NXN: variants seen among roughly 807,000 people sequenced by gnomAD.
The protein encoded by NXN is nucleoredoxin.
A neutral mutation model predicts 48.6 loss-of-function variants in NXN; 16 were observed. That is an observed-to-expected ratio of 0.33 (90% CI 0.22 to 0.50). NXN has a LOEUF of 0.50. NXN is among the 20% of genes least tolerant of loss of function. The pLI is 0.98. For missense variants in NXN, 492 were observed against 605.5 expected, an observed-to-expected ratio of 0.81 and a Z score of 1.97; for synonymous variants, 281 against 269.6, an observed-to-expected ratio of 1.04 and a Z score of -0.41.
chr17:821,958 T>A (rs1249772015), intron 4 of NXN, among the ~76,000 whole-genome samples: 2 of 150,952 alleles, frequency 1.3e-5, no homozygotes, highest in Non-Finnish European at 2.9e-5. Context: ...CAAGAAGAGG[T>A]TTTCCTCAGC....
intron 2 of NXN, among the ~76,000 whole-genome samples, chr17:824,513 C>A (rs976745011): frequency 6.6e-6 from 1 of 152,182 alleles, no homozygotes; most frequent in African/African-American, 2.4e-5. Context: ...ACCCGATACC[C>A]GGGATTGTGG....
At chr17:862,885 T>C (rs1388791971) in intron 1 of NXN, among the ~76,000 whole-genome samples, 2 of 152,224 alleles carry the variant, frequency 1.3e-5, no homozygotes, top group Non-Finnish European at 2.9e-5. Flanking sequence ...AACAGACCTA[T>C]GCTCTAAACG....
At chr17:823,912 A>C in intron 2 of NXN, 147 bp from the exon 3 acceptor site, 1 of 702,196 alleles carries the variant, frequency 1.4e-6, no homozygotes. Context: ...TAATCATCAA[A>C]CAGTACTTGT....
At chr17:833,511 G>A (rs999244073) in intron 1 of NXN, among the ~76,000 whole-genome samples, 7 of 152,076 alleles carry the variant, frequency 4.6e-5, no homozygotes, top group Non-Finnish European at 7.4e-5. Flanking sequence ...GGGGCCCCTC[G>A]AGTCCACCAA....
At chr17:881,890 C>T (rs901153268) in intron 1 of NXN, among the ~76,000 whole-genome samples, 4 of 152,136 alleles carry the variant, frequency 2.6e-5, no homozygotes, top group Admixed American at 6.5e-5. Context: ...ATTTCCATGA[C>T]GGTCTACAGG....
At chr17:967,055 C>T (rs1262275741) in intron 1 of NXN, among the ~76,000 whole-genome samples, 2 of 152,072 alleles carry the variant, frequency 1.3e-5, no homozygotes, top group South Asian at 2.1e-4. Flanking sequence ...AGACGGTGAC[C>T]GTAGGGGCCA....
intron 1 of NXN, among the ~76,000 whole-genome samples, chr17:942,513 C>T (rs2068988674): frequency 2.0e-5 from 1 of 49,800 alleles, no homozygotes; most frequent in African/African-American, 7.3e-5. Context: ...AACAAGATTC[C>T]AGGGCGCAGC....
chr17:896,682 AC>A lies in NXN; in HGVS notation c.361-70605del, dbSNP rs1409472668. Among the ~76,000 whole-genome samples the A allele has an allele frequency of 3.9e-5, 6 of 152,180 alleles. No homozygotes were observed. In the East Asian group the frequency reaches 9.6e-4, roughly 24 times the overall value. On this transcript the variant is annotated intron_variant, in intron 1 of 7. Coordinates refer to ENST00000336868, the MANE Select transcript of NXN (RefSeq NM_022463.5). Reference sequence around the variant, plus strand: ...AGTTCTCCCACTTCTCATCTTAGTCACCCCGGCCCAAGGAAGTTTTTGTGGA... The same window carrying A: ...AGTTCTCCCACTTCTCATCTTAGTCACCCGGCCCAAGGAAGTTTTTGTGGA...
chr17:961,367 AGAGT>A lies in NXN; in HGVS notation c.360+17948_360+17951del, dbSNP rs1334478124. 2.0e-5 allele frequency among the ~76,000 whole-genome samples: 3 copies of A among 151,726 alleles called. No individual in the cohort carries two copies. The East Asian group carries it at 5.8e-4, about 29-fold the overall frequency. ...GCCATTGCACTCCAGCCTGGGCGAC[AGAGT>A]GAGACTCCGTCTCAAGAAAAAAAAA... On this transcript the variant is annotated intron_variant, in intron 1 of 7. Coordinates refer to ENST00000336868, the MANE Select transcript of NXN (RefSeq NM_022463.5).
At chr17:809,685 C>G (rs1458695825) in intron 5 of NXN, among the ~76,000 whole-genome samples, 2 of 152,224 alleles carry the variant, frequency 1.3e-5, no homozygotes, top group African/African-American at 2.4e-5. Flanking sequence ...TGAGGACGCA[C>G]CAGCAGGCAA....
chr17:801,444 T>C (rs895349057), intron 7 of NXN, among the ~76,000 whole-genome samples: 2 of 46,076 alleles, frequency 4.3e-5, no homozygotes, highest in African/African-American at 1.3e-4. Context: ...TGTCACATTC[T>C]TTTTTTTTTT....
At chr17:885,672 CTTTT>C (rs532225883) in intron 1 of NXN, among the ~76,000 whole-genome samples, 3 of 83,742 alleles carry the variant, frequency 3.6e-5, no homozygotes, top group African/African-American at 1.3e-4. Context: ...GCGGTACTCG[CTTTT>C]TTTTTTTTTT....
rs538464959 is a variant in NXN at position 927,039 on chromosome 17, T to C, written c.360+52280A>G. Among the ~76,000 whole-genome samples the C allele has an allele frequency of 7.9e-5, 12 of 151,778 alleles. No homozygotes were observed. The South Asian group carries it at 2.5e-3, about 32-fold the overall frequency. ...TAAGAGAAGCAAAAGTAAGGCCAGGTGCGGTGGCTCACGCCTGTCATCCTA... is the reference window on the plus strand; with the variant it reads ...TAAGAGAAGCAAAAGTAAGGCCAGGCGCGGTGGCTCACGCCTGTCATCCTA... On this transcript the variant is annotated intron_variant, in intron 1 of 7. Coordinates refer to ENST00000336868, the MANE Select transcript of NXN (RefSeq NM_022463.5).
rs1402161760 is a variant in NXN at position 932,956 on chromosome 17, C to T, written c.360+46363G>A. Among the ~76,000 whole-genome samples, 1 of 152,206 alleles carries T rather than the reference C, an allele frequency of 6.6e-6. No homozygotes were observed. Among genetic ancestry groups the T allele is most frequent in the Non-Finnish European group, 1.5e-5 (1 of 68,042 alleles). On this transcript the variant is annotated intron_variant, in intron 1 of 7. Coordinates refer to ENST00000336868, the MANE Select transcript of NXN (RefSeq NM_022463.5). This position sits in a 1 kb window ranked among gnomAD's most constrained non-coding sequence, Gnocchi z 4.1. ...AGCCACCGCGCCCAGCCCAGCCCGTCCTCTTGAACCTGCTCAGTTTCAGTC... is the reference window on the plus strand; with the variant it reads ...AGCCACCGCGCCCAGCCCAGCCCGTTCTCTTGAACCTGCTCAGTTTCAGTC...
At position 979,740 on chromosome 17, in the gene NXN, G is replaced by A. The variant is rs1172494678; in HGVS notation, c.-62C>T. ...CCGCTCCACGGTCCGCGCGGCGGGA[G>A]GAGGCGGCGGCGTCGGCGGCAGGCG... is the stretch of plus-strand genomic sequence containing the variant. On this transcript the variant is annotated 5_prime_UTR_variant, in exon 1 of 8. Coordinates refer to ENST00000336868, the MANE Select transcript of NXN (RefSeq NM_022463.5). The A allele has an allele frequency of 4.0e-6, 5 of 1,245,430 alleles. No individual in the cohort carries two copies. Among genetic ancestry groups the A allele is most frequent in the Admixed American group, 4.4e-5 (1 of 22,556 alleles). The allele number at this position is 1,245,430 out of a possible 1,614,324, so 77.1% of individuals were successfully genotyped here. A position where few individuals can be genotyped will look rare whatever the true frequency, so the allele number is the denominator to read the frequency against.
chr17:919,774 G>A lies in NXN; in HGVS notation c.360+59545C>T, dbSNP rs570137596. ...AATACAACTAGGGGCAGAGCGGTCCGGCACAAAACACCAGGAAACGCTCTC... is the reference window on the plus strand; with the variant it reads ...AATACAACTAGGGGCAGAGCGGTCCAGCACAAAACACCAGGAAACGCTCTC... On this transcript the variant is annotated intron_variant, in intron 1 of 7. Coordinates refer to ENST00000336868, the MANE Select transcript of NXN (RefSeq NM_022463.5). The surrounding 1 kb of genome is among the most constrained non-coding windows in gnomAD (Gnocchi z 5.1). Among the ~76,000 whole-genome samples, 28 of 152,170 alleles carry A rather than the reference G, an allele frequency of 1.8e-4. No individual in the cohort carries two copies. The highest frequency in any genetic ancestry group is 6.0e-4 in the African/African-American group (25 of 41,516).
At chr17:891,429 G>A (rs2068415666) in intron 1 of NXN, among the ~76,000 whole-genome samples, 1 of 152,178 alleles carries the variant, frequency 6.6e-6, no homozygotes, top group Non-Finnish European at 1.5e-5. Flanking sequence ...AACACATTTA[G>A]CATCCATATC....
At chr17:876,772 G>T (rs552741754) in intron 1 of NXN, among the ~76,000 whole-genome samples, 1 of 152,130 alleles carries the variant, frequency 6.6e-6, no homozygotes, top group Admixed American at 6.6e-5. Flanking sequence ...GGCCGGGCGC[G>T]GGGGCTCACG....
At chr17:941,647 G>A (rs1419939832) in intron 1 of NXN, among the ~76,000 whole-genome samples, 3 of 33,850 alleles carry the variant, frequency 8.9e-5, no homozygotes, top group African/African-American at 3.0e-4. Context: ...GATTTACAGC[G>A]AACAAGATTC....
Sources: gnomAD v4.1 joint callset for allele counts (sites outside exome capture counted in the v4.1 genomes callset) on GRCh38, gnomAD v4.1.1 for gene constraint, Gnocchi (gnomAD v3.1) non-coding constraint, MANE v1.5 for transcripts, NCBI Gene and HGNC (gene_info 2026-07-23, HGNC 2026-07-21) for gene names.